The following VWDE variants were observed in gnomAD, a reference collection of about 807,000 sequenced individuals.
VWDE encodes von Willebrand factor D and EGF domain-containing protein.
Under a neutral mutation model 178.4 loss-of-function variants are expected in VWDE, and 207 were observed. The ratio of observed to expected loss-of-function variants is 1.16; its 90% confidence interval spans 1.04 to 1.30. VWDE has a LOEUF of 1.30. Ranked by LOEUF, VWDE falls within the 50% of genes most tolerant of loss-of-function variation. The pLI is 0.00. For synonymous variants in VWDE, 738 were observed against 651.4 expected (o/e 1.13, Z -2.02); for missense variants, 2,287 against 1,901.3 (o/e 1.20, Z -3.77).
intron 13 of VWDE, among the ~76,000 whole-genome samples, chr7:12,361,798 A>G (rs1782595940): frequency 1.3e-5 from 2 of 152,046 alleles, no homozygotes; most frequent in African/African-American, 2.4e-5. Flanking sequence ...ATGGATCACT[A>G]TGTAACGACT....
At chr7:12,377,967 T>C in intron 6 of VWDE, 47 bp from the exon 7 acceptor site, 2 of 1,309,116 alleles carry the variant, frequency 1.5e-6, no homozygotes, top group Non-Finnish European at 2.0e-6. Context: ...ATATAATTTA[T>C]TTCTAAGGCA....
Position 12,370,184 on chromosome 7 carries a change from C to T in VWDE, c.2122G>A (p.Gly708Ser), listed in dbSNP as rs577705533. 2.6e-5 allele frequency: 40 copies of T among 1,551,198 alleles called. No homozygotes were observed. The highest frequency in any genetic ancestry group is 1.9e-4 in the African/African-American group (14 of 73,044). The change falls in exon 12 of 29, where the codon GGC (glycine) becomes AGC (serine). Residue 708 changes from glycine (G) to serine (S), a missense_variant. Coordinates refer to ENST00000275358, the MANE Select transcript of VWDE (RefSeq NM_001135924.3). ...EKKHINLTKL[G>S]LNVQKHPGNE... Reference sequence around the variant, plus strand: ...CCAGGATGTTTTTGTACATTTAAGCCGAGTTTAGTCAGGTTTATGTGTTTT... The same window carrying T: ...CCAGGATGTTTTTGTACATTTAAGCTGAGTTTAGTCAGGTTTATGTGTTTT...
intron 18 of VWDE, chr7:12,354,179 A>C: frequency 3.9e-6 from 1 of 258,786 alleles, no homozygotes; most frequent in South Asian, 4.0e-5. Flanking sequence ...TCTACCTATT[A>C]AGTCAGAAAA....
intron 4 of VWDE, among the ~76,000 whole-genome samples, 167 bp from the exon 5 acceptor site, chr7:12,380,900 C>G (rs1286731305): frequency 6.6e-6 from 1 of 152,160 alleles, no homozygotes; most frequent in African/African-American, 2.4e-5. Flanking sequence ...CTTTCATATT[C>G]TGGCCCATAA....
chr7:12,350,219 A>G (rs1040324599), intron 19 of VWDE, among the ~76,000 whole-genome samples: 2 of 152,028 alleles, frequency 1.3e-5, no homozygotes, highest in Non-Finnish European at 1.5e-5. Flanking sequence ...CAGTGCATTT[A>G]TGGAAAAATA....
At chr7:12,373,920 T>G (rs114096587) in intron 9 of VWDE, among the ~76,000 whole-genome samples, 1,627 of 152,260 alleles carry the variant, frequency 0.011, 37 homozygotes, top group African/African-American at 0.038. Flanking sequence ...TCCTTCAGGT[T>G]CTTAACACCT....
At chr7:12,379,852 T>C (rs1174883399) in intron 5 of VWDE, among the ~76,000 whole-genome samples, 4 of 152,116 alleles carry the variant, frequency 2.6e-5, no homozygotes, top group African/African-American at 9.7e-5. Context: ...CCCAGCACTT[T>C]GGGAGGCCGA....
intron 3 of VWDE, among the ~76,000 whole-genome samples, chr7:12,387,920 T>C (rs138556575): frequency 2.6e-5 from 4 of 152,304 alleles, no homozygotes; most frequent in Admixed American, 2.0e-4. Context: ...TTTGCACTTA[T>C]CAATCTTCCA....
At chr7:12,350,414 G>T (rs1781863544) in intron 19 of VWDE, among the ~76,000 whole-genome samples, 1 of 151,340 alleles carries the variant, frequency 6.6e-6, no homozygotes, top group African/African-American at 2.5e-5. Context: ...TGCTGAAAAA[G>T]CGTTTGATAA....
intron 9 of VWDE, among the ~76,000 whole-genome samples, 198 bp from the exon 10 acceptor site, chr7:12,373,445 G>A (rs1415294418): frequency 6.6e-6 from 1 of 152,058 alleles, no homozygotes; most frequent in African/African-American, 2.4e-5. Flanking sequence ...CTCTCCTTGA[G>A]CAGGGCAGGC....
At position 12,357,060 on chromosome 7, in the gene VWDE, A is replaced by T. The variant is rs1782287043; in HGVS notation, c.3525+205T>A. 1.3e-5 allele frequency among the ~76,000 whole-genome samples: 2 copies of T among 152,188 alleles called. 1 individual carries two copies. Among genetic ancestry groups the T allele is most frequent in the Non-Finnish European group, 2.9e-5 (2 of 68,034 alleles). ...AACAGTATAGAAATTATTAATTTAG[A>T]TCTGTGCTTCTAGGCTTGAGACTCT... On this transcript the variant is annotated intron_variant, in intron 17 of 28. Coordinates refer to ENST00000275358, the MANE Select transcript of VWDE (RefSeq NM_001135924.3).
chr7:12,354,971 C>T (rs893612981), intron 18 of VWDE, among the ~76,000 whole-genome samples: 10 of 152,144 alleles, frequency 6.6e-5, no homozygotes, highest in Admixed American at 2.6e-4. Flanking sequence ...CTTTGAAATG[C>T]TTAACAACTC....
chr7:12,387,126 G>A (rs1255682677), intron 3 of VWDE, among the ~76,000 whole-genome samples: 2 of 151,300 alleles, frequency 1.3e-5, no homozygotes, highest in East Asian at 1.9e-4. Context: ...TTCCATAAAT[G>A]TAGTATGTAT....
intron 13 of VWDE, among the ~76,000 whole-genome samples, chr7:12,366,456 A>G (rs1233638190): frequency 6.6e-6 from 1 of 152,122 alleles, no homozygotes; most frequent in Non-Finnish European, 1.5e-5. Context: ...CATGACTATT[A>G]CAATGTCTAT....
At chr7:12,375,695 T>C (rs1783490444) in intron 7 of VWDE, among the ~76,000 whole-genome samples, 1 of 152,052 alleles carries the variant, frequency 6.6e-6, no homozygotes, top group African/African-American at 2.4e-5. Context: ...CTTTTAATTA[T>C]TGATAAAGGG....
chr7:12,361,054 TA>T, intron 15 of VWDE, 92 bp downstream of exon 15: 1 of 752,466 alleles, frequency 1.3e-6, no homozygotes, highest in Non-Finnish European at 2.0e-6. Context: ...TTTTCTGGTA[TA>T]AAAGTGAAAA....
At chr7:12,383,826 T>A (rs530080336) in intron 3 of VWDE, among the ~76,000 whole-genome samples, 2 of 152,146 alleles carry the variant, frequency 1.3e-5, no homozygotes, top group African/African-American at 2.4e-5. Flanking sequence ...ATTTTCTAAG[T>A]ACAAATCTGC....
intron 5 of VWDE, among the ~76,000 whole-genome samples, chr7:12,380,157 A>G (rs570468151): frequency 2.0e-5 from 3 of 151,802 alleles, no homozygotes; most frequent in Non-Finnish European, 2.9e-5. Context: ...AAATTAAAAC[A>G]TTTTTTCTAG....
rs1451819915 is a variant in VWDE at position 12,375,075 on chromosome 7, T to A, written c.1177A>T (p.Ile393Phe). 6.4e-7 allele frequency: 1 copy of A among 1,551,226 alleles called. No individual in the cohort carries two copies. The highest frequency in any genetic ancestry group is 8.7e-7 in the Non-Finnish European group (1 of 1,146,724). ...TCATTAACTATTGGTTGCACTACAA[T>A]GTTTGAGACTCTATCTCCATCTCGA... Reference protein sequence around the residue: ...FSRDGDRVSNIVVQPIVNEDF... With the variant: ...FSRDGDRVSNFVVQPIVNEDF... The change falls in exon 8 of 29, where the codon ATT becomes TTT. Residue 393 changes from isoleucine to phenylalanine, a missense_variant. Physicochemically the swap from Ile to Phe is conservative, Grantham distance 21. Transcript: ENST00000275358.
Sources: gnomAD v4.1 joint callset for allele counts (sites outside exome capture counted in the v4.1 genomes callset) on GRCh38, gnomAD v4.1.1 for gene constraint, MANE v1.5 for transcripts, NCBI Gene and HGNC (gene_info 2026-07-23, HGNC 2026-07-21) for gene names.